Variants in UBR1 observed in about 807,000 individuals in gnomAD.
UBR1 encodes the protein E3 ubiquitin-protein ligase UBR1.
Under a neutral mutation model 242.1 loss-of-function variants are expected in UBR1, and 102 were observed. The ratio of observed to expected loss-of-function variants is 0.42; its 90% CI spans 0.36 to 0.50. UBR1 has a LOEUF of 0.50. UBR1 is among the 20% of genes least tolerant of loss of function. UBR1 has a pLI of 0.01. For missense variants in UBR1, 1,772 were observed against 2,101.8 expected, an observed-to-expected ratio of 0.84 and a Z score of 3.07; for synonymous variants, 675 against 684.8, an observed-to-expected ratio of 0.99 and a Z score of 0.22.
intron 44 of UBR1, among the ~76,000 whole-genome samples, chr15:42,953,721 T>C (rs2031871016): frequency 1.3e-5 from 2 of 152,166 alleles, no homozygotes; most frequent in Admixed American, 6.5e-5. Flanking sequence ...TTCTGTCTTA[T>C]GGAAATTGGT....
chr15:43,002,571 G>A lies in UBR1; in HGVS notation c.3643C>T (p.Pro1215Ser), dbSNP rs769199188. The change falls in exon 32 of 47, where the codon CCT (proline) becomes TCT (serine). Residue 1215 changes from proline (P) to serine (S), a missense_variant. Around this residue, in one of 3 missense-constraint regions of UBR1, gnomAD observed 965 missense variants for 1,079.7 expected, o/e 0.89. Coordinates refer to ENST00000290650, the MANE Select transcript of UBR1 (RefSeq NM_174916.3). ...NTVIPIIPLQ[P>S]QKINSENADA... is the part of the protein sequence containing the mutation. Reference sequence around the variant, plus strand: ...AAAATATACCTGTTTATCTTTTGAGGTTGCAAAGGAATAATGGGGATCACA... The same window carrying A: ...AAAATATACCTGTTTATCTTTTGAGATTGCAAAGGAATAATGGGGATCACA... The A allele has an allele frequency of 3.1e-6, 5 of 1,613,944 alleles. No homozygotes were observed. Among genetic ancestry groups the A allele is most frequent in the African/African-American group, 1.3e-5 (1 of 74,896 alleles).
intron 19 of UBR1, 146 bp from the exon 20 acceptor site, chr15:43,032,777 T>C (rs965149881): frequency 2.0e-5 from 11 of 541,348 alleles, no homozygotes; most frequent in Non-Finnish European, 3.0e-5. Context: ...ACAGCACAAA[T>C]AGTTACAATA....
At chr15:43,030,897 G>A (rs936235853) in intron 20 of UBR1, among the ~76,000 whole-genome samples, 11 of 152,130 alleles carry the variant, frequency 7.2e-5, no homozygotes, top group Non-Finnish European at 1.3e-4. Context: ...AAGTGAATTC[G>A]TTTCCAACAC....
chr15:43,020,425 C>A (rs574015612), intron 27 of UBR1, among the ~76,000 whole-genome samples: 1 of 152,202 alleles, frequency 6.6e-6, no homozygotes, highest in Non-Finnish European at 1.5e-5. Context: ...CTTCGACATG[C>A]ACCTTAATCA....
At chr15:43,002,936 T>G (rs1742543621) in intron 31 of UBR1, among the ~76,000 whole-genome samples, 1 of 152,180 alleles carries the variant, frequency 6.6e-6, no homozygotes, top group Non-Finnish European at 1.5e-5. Context: ...TAAAATAAGT[T>G]TATTGAATCA....
chr15:43,023,267 G>A (rs2033133933), intron 25 of UBR1, among the ~76,000 whole-genome samples: 1 of 152,136 alleles, frequency 6.6e-6, no homozygotes. Context: ...GCAGTTTACA[G>A]AAAGAGAAAT....
intron 1 of UBR1, among the ~76,000 whole-genome samples, chr15:43,090,178 A>G (rs1056978562): frequency 6.6e-6 from 1 of 152,226 alleles, no homozygotes; most frequent in African/African-American, 2.4e-5. Flanking sequence ...ATTTACTAAT[A>G]TGGAAAGGCA....
chr15:43,085,374 T>C (rs1365080682), intron 2 of UBR1, among the ~76,000 whole-genome samples: 3 of 152,204 alleles, frequency 2.0e-5, no homozygotes, highest in Non-Finnish European at 2.9e-5. Flanking sequence ...GGATATATTA[T>C]GAACAAGGCA....
intron 30 of UBR1, among the ~76,000 whole-genome samples, chr15:43,006,518 C>T (rs1418488585): frequency 1.3e-5 from 2 of 152,200 alleles, no homozygotes; most frequent in East Asian, 3.8e-4. Context: ...GATCCACCCA[C>T]ACCGGCTTCC....
chr15:43,082,864 T>C, intron 2 of UBR1, 148 bp from the exon 3 acceptor site: 1 of 685,504 alleles, frequency 1.5e-6, no homozygotes, highest in Non-Finnish European at 2.6e-6. Context: ...TAAAATGTTT[T>C]GAACAAAGAT....
At chr15:43,066,437 C>T (rs763190414) in intron 6 of UBR1, among the ~76,000 whole-genome samples, 1 of 152,084 alleles carries the variant, frequency 6.6e-6, no homozygotes, top group African/African-American at 2.4e-5. Context: ...ATTATATTGG[C>T]TATTTAGGCC....
rs1476518119 is a variant in UBR1, at chr15:43,080,571, T to C, written c.417+2067A>G. On this transcript the variant is annotated intron_variant, in intron 3 of 46. Coordinates refer to ENST00000290650, the MANE Select transcript of UBR1 (RefSeq NM_174916.3). ...CTTTATAGTACTAAGCAATATTCCA[T>C]TGTATGTATGTACCACAGTTTTTCC... is the stretch of plus-strand genomic sequence containing the variant. 1.0e-3 allele frequency among the ~76,000 whole-genome samples: 152 copies of C among 152,240 alleles called. 1 individual carries two copies. Among genetic ancestry groups the C allele is most frequent in the Non-Finnish European group, 2.8e-4 (19 of 68,038 alleles).
At chr15:42,993,678 T>G (rs2032590769) in intron 33 of UBR1, among the ~76,000 whole-genome samples, 1 of 152,034 alleles carries the variant, frequency 6.6e-6, no homozygotes, top group Admixed American at 6.6e-5. Flanking sequence ...TGAAATGTCT[T>G]TTAAAAAGTT....
intron 2 of UBR1, among the ~76,000 whole-genome samples, chr15:43,084,014 T>C (rs2034003660): frequency 6.6e-6 from 1 of 152,076 alleles, no homozygotes; most frequent in Non-Finnish European, 1.5e-5. Context: ...CACTGTACTC[T>C]AGCCTAGGCA....
Position 43,086,227 on chromosome 15 carries a change from T to C in UBR1, c.95A>G (p.Gln32Arg). 6.2e-7 allele frequency: 1 copy of C among 1,613,880 alleles called. No homozygotes were observed. Among genetic ancestry groups the C allele is most frequent in the Non-Finnish European group, 8.5e-7 (1 of 1,179,962 alleles). Residue 32 changes from glutamine to arginine, a missense_variant, in exon 2 of 47, where the codon CAA becomes CGA. Physicochemically the swap from Gln to Arg is conservative, Grantham distance 43. Coordinates refer to ENST00000290650, the MANE Select transcript of UBR1 (RefSeq NM_174916.3). ...CAAGAAAGCAGTATAAAAATCAACT[T>C]GCTGATCCCACCACTAAAAGAAAAG... The part of the protein sequence containing the change: ...PQRLASWWDQ[Q>R]VDFYTAFLHH...
intron 37 of UBR1, among the ~76,000 whole-genome samples, chr15:42,983,428 C>T (rs1230885496): frequency 1.3e-5 from 2 of 151,510 alleles, no homozygotes; most frequent in Non-Finnish European, 2.9e-5. Context: ...GAGGTGGAGG[C>T]AGGCGAATCA....
intron 6 of UBR1, among the ~76,000 whole-genome samples, chr15:43,063,042 G>C (rs1344864297): frequency 6.6e-6 from 1 of 152,170 alleles, no homozygotes; most frequent in Admixed American, 6.6e-5. Flanking sequence ...TCTAGCCAAG[G>C]AGTACATTTT....
At chr15:43,065,867 C>T (rs1480935723) in intron 6 of UBR1, among the ~76,000 whole-genome samples, 2 of 152,066 alleles carry the variant, frequency 1.3e-5, no homozygotes, top group Non-Finnish European at 2.9e-5. Flanking sequence ...AGACTGGGTA[C>T]TAAACCTTCA....
At chr15:43,099,663 T>A (rs1440066094) in intron 1 of UBR1, among the ~76,000 whole-genome samples, 1 of 152,214 alleles carries the variant, frequency 6.6e-6, no homozygotes, top group Admixed American at 6.5e-5. Context: ...TTCTCATTCA[T>A]TCATTCATTC....
Sources: gnomAD v4.1 joint callset for allele counts (sites outside exome capture counted in the v4.1 genomes callset) on GRCh38, gnomAD v4.1.1 for gene constraint, gnomAD v4.1.1 regional missense constraint, MANE v1.5 for transcripts, NCBI Gene and HGNC (gene_info 2026-07-23, HGNC 2026-07-21) for gene names.